Variants in PLCXD2 observed in about 807,000 individuals in gnomAD.
PLCXD2 encodes the protein phosphatidylinositol specific phospholipase C X domain containing 2.
A neutral mutation model predicts 28.6 loss-of-function variants in PLCXD2; 21 were observed. The ratio of observed to expected loss-of-function variants is 0.73; its 90% CI spans 0.52 to 1.06. The LOEUF is 1.06. Among genes scored for constraint, PLCXD2 ranks in the 50% least tolerant of loss-of-function variants. PLCXD2 has a pLI of 0.00. For missense variants in PLCXD2, 369 were observed against 376.7 expected (o/e 0.98, Z 0.17); for synonymous variants, 140 against 150.1 (o/e 0.93, Z 0.49).
chr3:111,717,664 T>C (rs1941286317), intron 3 of PLCXD2, among the ~76,000 whole-genome samples: 1 of 152,212 alleles, frequency 6.6e-6, no homozygotes. Context: ...GAGGAGGCTC[T>C]GGCTGCAGTG....
chr3:111,683,387 T>G (rs1940746582), intron 1 of PLCXD2, among the ~76,000 whole-genome samples: 1 of 152,188 alleles, frequency 6.6e-6, no homozygotes, highest in African/African-American at 2.4e-5. Flanking sequence ...CTAATGAGCC[T>G]TATATGCCCA....
intron 1 of PLCXD2, among the ~76,000 whole-genome samples, chr3:111,681,535 A>C (rs963503839): frequency 1.3e-5 from 2 of 152,040 alleles, no homozygotes; most frequent in African/African-American, 4.8e-5. Context: ...TAGCTTCATC[A>C]TCCCTCCAAA....
chr3:111,694,231 G>A (rs1360221826), intron 1 of PLCXD2, among the ~76,000 whole-genome samples: 1 of 152,052 alleles, frequency 6.6e-6, no homozygotes, highest in Non-Finnish European at 1.5e-5. Context: ...ATCCACTGAG[G>A]TCTTTCCAAG....
chr3:111,685,156 T>C (rs1309916379), intron 1 of PLCXD2, among the ~76,000 whole-genome samples: 1 of 152,150 alleles, frequency 6.6e-6, no homozygotes, highest in East Asian at 1.9e-4. Flanking sequence ...ATTTCACAAT[T>C]TGCCCAACCT....
At chr3:111,689,777 C>G (rs1287344855) in intron 1 of PLCXD2, among the ~76,000 whole-genome samples, 1 of 152,076 alleles carries the variant, frequency 6.6e-6, no homozygotes, top group African/African-American at 2.4e-5. Context: ...ATTTAAAAAT[C>G]TATATTTCTA....
chr3:111,702,534 T>C (rs180870783), intron 1 of PLCXD2, among the ~76,000 whole-genome samples: 27 of 152,270 alleles, frequency 1.8e-4, no homozygotes, highest in Admixed American at 1.8e-3. Context: ...TAGACAGAGA[T>C]AAAGAAGCCA....
At chr3:111,702,807 T>C (rs1941061885) in intron 1 of PLCXD2, among the ~76,000 whole-genome samples, 1 of 152,200 alleles carries the variant, frequency 6.6e-6, no homozygotes, top group South Asian at 2.1e-4. Flanking sequence ...AGAATCACTG[T>C]CTTTAAAGAA....
intron 1 of PLCXD2, among the ~76,000 whole-genome samples, chr3:111,685,973 A>C (rs764902586): frequency 6.6e-6 from 1 of 152,174 alleles, no homozygotes; most frequent in Non-Finnish European, 1.5e-5. Flanking sequence ...AGGACGTTGG[A>C]GCTAACTTGG....
At chr3:111,675,472 G>T in intron 1 of PLCXD2, 64 bp downstream of exon 1, 7 of 1,585,164 alleles carry the variant, frequency 4.4e-6, no homozygotes, top group Non-Finnish European at 6.1e-6. Context: ...TTGTTAAGGG[G>T]TTGGGTTGCT....
intron 1 of PLCXD2, among the ~76,000 whole-genome samples, chr3:111,681,597 C>T (rs975750908): frequency 6.6e-6 from 1 of 152,200 alleles, no homozygotes; most frequent in African/African-American, 2.4e-5. Flanking sequence ...TTACCCAACA[C>T]ACACACATGC....
rs775510663 is a variant in PLCXD2 at position 111,708,175 on chromosome 3, A to G, written c.413A>G (p.Lys138Arg). 1.2e-6 allele frequency: 2 copies of G among 1,614,184 alleles called. No homozygotes were observed. Among genetic ancestry groups the G allele is most frequent in the South Asian group, 2.2e-5 (2 of 91,082 alleles). ...TTCATCCATGGGCTTTTTGGCATCAAGGTCTGGGATGGGCTGATGGAAATT... is the reference window on the plus strand; with the variant it reads ...TTCATCCATGGGCTTTTTGGCATCAGGGTCTGGGATGGGCTGATGGAAATT... The change falls in exon 2 of 5, where the codon AAG becomes AGG. Residue 138 changes from lysine to arginine, a missense_variant. Lys to Arg is a conservative substitution (Grantham distance 26). Transcript: ENST00000477665.
intron 1 of PLCXD2, among the ~76,000 whole-genome samples, chr3:111,687,275 A>G (rs1270621107): frequency 3.9e-5 from 6 of 152,212 alleles, no homozygotes; most frequent in Non-Finnish European, 7.4e-5. Context: ...ACTCACTGCC[A>G]TGGAATCACA....
chr3:111,717,651 G>A (rs1941286194), intron 3 of PLCXD2, among the ~76,000 whole-genome samples: 1 of 152,194 alleles, frequency 6.6e-6, no homozygotes. Context: ...GATCCTCCAA[G>A]GTGAGGAGGC....
At chr3:111,704,680 C>T (rs1370069912) in intron 1 of PLCXD2, among the ~76,000 whole-genome samples, 1 of 152,208 alleles carries the variant, frequency 6.6e-6, no homozygotes, top group Non-Finnish European at 1.5e-5. Flanking sequence ...TCACCTCAAA[C>T]ATTTATCATT....
chr3:111,712,065 C>A (rs1239310403), intron 2 of PLCXD2, among the ~76,000 whole-genome samples: 1 of 151,978 alleles, frequency 6.6e-6, no homozygotes, highest in African/African-American at 2.4e-5. Flanking sequence ...GAGGCAGATG[C>A]AAAACACAGG....
chr3:111,675,260 G>T lies in PLCXD2; in HGVS notation c.15G>T (p.Arg5Ser), dbSNP rs1170704249. 6.2e-7 allele frequency: 1 copy of T among 1,613,974 alleles called. No individual in the cohort carries two copies. The highest frequency in any genetic ancestry group is 1.7e-5 in the Admixed American group (1 of 60,002). The change falls in exon 1 of 5, where the codon AGG (arginine) becomes AGT (serine). Residue 5 changes from arginine to serine, a missense_variant. By Grantham distance (110) the Arg-to-Ser change is moderately radical (BLOSUM62 -1). Coordinates refer to ENST00000477665, the MANE Select transcript of PLCXD2 (RefSeq NM_001185106.1). ...TAACAACAGGGATGCTAGCAGTTAGGAAGGCCAGGAGGAAACTCAGGATGG... is the reference window on the plus strand; with the variant it reads ...TAACAACAGGGATGCTAGCAGTTAGTAAGGCCAGGAGGAAACTCAGGATGG...
At position 111,713,978 on chromosome 3, in the gene PLCXD2, GT is replaced by G; in HGVS notation, c.717del (p.Ser239ArgfsTer5). ...CCAGCGCCCTGGGCAAACACCACAA[GT>G]GTGCGCAAACTAATCCTCTTCTTGG... On this transcript the variant is annotated frameshift_variant, in exon 3 of 5. Coordinates refer to ENST00000477665, the MANE Select transcript of PLCXD2 (RefSeq NM_001185106.1). LOFTEE classifies it high-confidence loss of function. The G allele has an allele frequency of 6.2e-7, 1 of 1,614,144 alleles. No individual in the cohort carries two copies. Among genetic ancestry groups the G allele is most frequent in the Non-Finnish European group, 8.5e-7 (1 of 1,180,038 alleles).
intron 1 of PLCXD2, among the ~76,000 whole-genome samples, chr3:111,703,244 G>A (rs1941071864): frequency 6.6e-6 from 1 of 152,190 alleles, no homozygotes; most frequent in Non-Finnish European, 1.5e-5. Flanking sequence ...GGCACAGGAT[G>A]TCAGAAAGCC....
intron 1 of PLCXD2, among the ~76,000 whole-genome samples, chr3:111,678,130 G>A (rs1287064517): frequency 1.4e-4 from 21 of 152,176 alleles, no homozygotes. Flanking sequence ...ACTATGCCAC[G>A]TTTGAGTGCA....
Sources: allele counts gnomAD v4.1 joint callset (sites outside exome capture counted in the v4.1 genomes callset), GRCh38; gene constraint gnomAD v4.1.1; transcripts MANE v1.5; gene names NCBI Gene and HGNC (gene_info 2026-07-23, HGNC 2026-07-21).